OXR1: variants seen among roughly 807,000 people sequenced by gnomAD.
The protein encoded by OXR1 is oxidation resistance protein 1.
In OXR1, 41 loss-of-function variants were observed where a neutral mutation model predicts 104.6. That is an observed-to-expected ratio of 0.39 (90% confidence interval 0.31 to 0.51). OXR1 has a LOEUF of 0.51. Ranked by LOEUF, OXR1 falls within the 20% of genes least tolerant of loss-of-function variation. OXR1 has a pLI of 0.77. For synonymous variants in OXR1, 348 were observed against 348.4 expected, an observed-to-expected ratio of 1.00 and a Z score of 0.01; for missense variants, 955 against 1,031.9, an observed-to-expected ratio of 0.93 and a Z score of 1.02.
chr8:106,396,011 T>C (rs1054857200), intron 2 of OXR1, among the ~76,000 whole-genome samples: 1 of 152,016 alleles, frequency 6.6e-6, no homozygotes, highest in Non-Finnish European at 1.5e-5. Flanking sequence ...GCAAAATAAA[T>C]AGAATAGTGC....
chr8:106,554,707 G>A (rs929251738), intron 3 of OXR1, among the ~76,000 whole-genome samples: 2 of 152,126 alleles, frequency 1.3e-5, no homozygotes, highest in African/African-American at 4.8e-5. Context: ...TGAAACCTGG[G>A]CATTGGGACC....
chr8:106,318,178 C>A (rs776515783), intron 1 of OXR1, among the ~76,000 whole-genome samples: 8 of 152,104 alleles, frequency 5.3e-5, no homozygotes, highest in Non-Finnish European at 1.0e-4. Flanking sequence ...AAATCAATGG[C>A]TTTGTTATTT....
chr8:106,450,893 C>A (rs537434447), intron 2 of OXR1, among the ~76,000 whole-genome samples: 1 of 152,132 alleles, frequency 6.6e-6, no homozygotes, highest in Admixed American at 6.5e-5. Context: ...ATTCCCCTAA[C>A]TTTTCTTGCT....
At chr8:106,491,618 G>GT (rs1383616755) in intron 2 of OXR1, among the ~76,000 whole-genome samples, 2 of 152,196 alleles carry the variant, frequency 1.3e-5, no homozygotes, top group Non-Finnish European at 2.9e-5. Context: ...AAAGCAAGCA[G>GT]TGGCTAGTTG....
intron 2 of OXR1, among the ~76,000 whole-genome samples, chr8:106,431,059 G>T (rs1819340604): frequency 6.6e-6 from 1 of 152,146 alleles, no homozygotes; most frequent in Admixed American, 6.5e-5. Context: ...GGGGACACTT[G>T]CTGTTGGAGC....
At position 106,395,115 on chromosome 8, in the gene OXR1, G is replaced by C. The variant is rs568028818; in HGVS notation, c.23+35479G>C. ...CTGTGCATAGCGATACCTTCTGGCA[G>C]TTCTGAAACCATGTTATGTGTTTTG... On this transcript the variant is annotated intron_variant, in intron 2 of 16. Coordinates refer to ENST00000517566, the MANE Select transcript of OXR1 (RefSeq NM_001198533.2). 2.2e-4 allele frequency among the ~76,000 whole-genome samples: 34 copies of C among 152,248 alleles called. No homozygotes were observed. The South Asian group carries it at 5.8e-3, about 26-fold the overall frequency.
At chr8:106,692,921 T>C in intron 7 of OXR1, 44 bp downstream of exon 7, 2 of 1,366,776 alleles carry the variant, frequency 1.5e-6, no homozygotes, top group South Asian at 1.3e-5. Context: ...CATGCTTTAG[T>C]TATTACTAAT....
rs528914991 is a variant in OXR1 at position 106,408,754 on chromosome 8, G to C, written c.23+49118G>C. Among the ~76,000 whole-genome samples, 3 of 152,244 alleles carry C rather than the reference G, an allele frequency of 2.0e-5. No individual in the cohort carries two copies. In the South Asian group the frequency reaches 6.2e-4, roughly 32 times the overall value. ...GCAGATCCTGGCCGACAGATGAAAT[G>C]ACTACTCCAGACACAGGTATGCAGT... On this transcript the variant is annotated intron_variant, in intron 2 of 16. Coordinates refer to ENST00000517566, the MANE Select transcript of OXR1 (RefSeq NM_001198533.2).
rs79415263 is a variant in OXR1 at position 106,656,821 on chromosome 8, T to TAAA, written c.221-22372_221-22370dup. The stretch of plus-strand genomic sequence containing the variant: ...ATGCAAAAAAGATCTGTCAACCAGT[T>TAAA]AAAAAAAAAAAAAAAAAAAGAGGGT... On this transcript the variant is annotated intron_variant, in intron 3 of 16. Coordinates refer to ENST00000517566, the MANE Select transcript of OXR1 (RefSeq NM_001198533.2). 5.6e-4 allele frequency among the ~76,000 whole-genome samples: 67 copies of TAAA among 118,796 alleles called. 1 individual carries two copies. Among genetic ancestry groups the TAAA allele is most frequent in the African/African-American group, 1.8e-3 (60 of 32,660 alleles). 77.9% of individuals were successfully genotyped at this position (118,796 alleles called of 152,430 possible). A position where few individuals can be genotyped will look rare whatever the true frequency, so the allele number is the denominator to read the frequency against.
At chr8:106,363,527 A>C (rs1816335396) in intron 2 of OXR1, among the ~76,000 whole-genome samples, 1 of 151,858 alleles carries the variant, frequency 6.6e-6, no homozygotes, top group South Asian at 2.1e-4. Flanking sequence ...TGTTTAAAAC[A>C]TTTATGTATA....
At chr8:106,675,909 G>A (rs3132806) in intron 3 of OXR1, among the ~76,000 whole-genome samples, 36,287 of 151,894 alleles carry the variant, frequency 0.24, 4,781 homozygotes, top group African/African-American at 0.35. Flanking sequence ...GAGTATTATC[G>A]TTTGGGAGTA....
chr8:106,618,692 T>G (rs1386933300), intron 3 of OXR1, among the ~76,000 whole-genome samples: 2 of 152,238 alleles, frequency 1.3e-5, no homozygotes, highest in Non-Finnish European at 2.9e-5. Flanking sequence ...TCAAGTCACA[T>G]GCTCTCACTT....
chr8:106,732,676 T>C (rs1033379015), intron 11 of OXR1, among the ~76,000 whole-genome samples: 3 of 152,152 alleles, frequency 2.0e-5, no homozygotes, highest in African/African-American at 7.2e-5. Flanking sequence ...TGTAATAGAT[T>C]ACATCAATTG....
chr8:106,274,999 A>T (rs1014321564), intron 1 of OXR1, among the ~76,000 whole-genome samples: 1 of 152,228 alleles, frequency 6.6e-6, no homozygotes, highest in Admixed American at 6.5e-5. Context: ...TGTTCTAGAC[A>T]CTGGGACTCT....
chr8:106,689,968 A>T (rs987610717), intron 6 of OXR1, among the ~76,000 whole-genome samples: 2 of 151,724 alleles, frequency 1.3e-5, no homozygotes, highest in East Asian at 1.9e-4. Flanking sequence ...TCCTTTAACA[A>T]TTCACAAACA....
chr8:106,672,636 T>A (rs1469269550), intron 3 of OXR1, among the ~76,000 whole-genome samples: 1 of 152,006 alleles, frequency 6.6e-6, no homozygotes, highest in African/African-American at 2.4e-5. Context: ...CGTCATATGG[T>A]TAGGCTTTGT....
At chr8:106,675,077 G>A (rs1474051689) in intron 3 of OXR1, among the ~76,000 whole-genome samples, 1 of 152,124 alleles carries the variant, frequency 6.6e-6, no homozygotes, top group African/African-American at 2.4e-5. Context: ...AATACTTTAT[G>A]GAAACAGTAT....
At chr8:106,604,407 C>T (rs748274693) in intron 3 of OXR1, among the ~76,000 whole-genome samples, 2 of 152,108 alleles carry the variant, frequency 1.3e-5, no homozygotes, top group Non-Finnish European at 2.9e-5. Context: ...CCACCCGCCT[C>T]GGCCTCCCAA....
chr8:106,343,787 C>T (rs947026961), intron 1 of OXR1, among the ~76,000 whole-genome samples: 5 of 152,118 alleles, frequency 3.3e-5, no homozygotes, highest in Non-Finnish European at 5.9e-5. Flanking sequence ...ATGTATTTAG[C>T]GCTTTGTATA....
Sources: allele counts gnomAD v4.1 joint callset (sites outside exome capture counted in the v4.1 genomes callset), GRCh38; gene constraint gnomAD v4.1.1; transcripts MANE v1.5; gene names NCBI Gene and HGNC (gene_info 2026-07-23, HGNC 2026-07-21).